The following CCDC158 variants were observed in gnomAD, a reference collection of about 807,000 sequenced individuals.
CCDC158 encodes the protein coiled-coil domain containing 158, also known as coiled-coil domain-containing protein 158.
In CCDC158, 116 loss-of-function variants were observed where a neutral mutation model predicts 138.6. That is an observed-to-expected ratio of 0.84 (90% CI 0.72 to 0.98). CCDC158 has a LOEUF of 0.98. Ranked by LOEUF, CCDC158 falls within the 50% of genes least tolerant of loss-of-function variation. The pLI, the probability that CCDC158 is intolerant of heterozygous loss-of-function variation, is 0.00. For missense variants in CCDC158, 1,265 were observed against 1,306.1 expected, an observed-to-expected ratio of 0.97 and a Z score of 0.48; for synonymous variants, 436 against 442.4, an observed-to-expected ratio of 0.99 and a Z score of 0.18.
intron 18 of CCDC158, among the ~76,000 whole-genome samples, chr4:76,350,185 C>G (rs1263894184): frequency 6.6e-6 from 1 of 152,316 alleles, no homozygotes; most frequent in Non-Finnish European, 1.5e-5. Context: ...ACTTCTAACA[C>G]TAATATTATT....
At chr4:76,355,749 A>C (rs1369441504) in intron 14 of CCDC158, among the ~76,000 whole-genome samples, 1 of 151,926 alleles carries the variant, frequency 6.6e-6, no homozygotes, top group Non-Finnish European at 1.5e-5. Flanking sequence ...AACATTGACT[A>C]AACTCATACT....
At chr4:76,415,305 G>A (rs1480541693) in intron 1 of CCDC158, among the ~76,000 whole-genome samples, 2 of 152,020 alleles carry the variant, frequency 1.3e-5, no homozygotes, top group Non-Finnish European at 1.5e-5. Context: ...GAGGTGACCC[G>A]GGTACTGTTA....
intron 18 of CCDC158, among the ~76,000 whole-genome samples, chr4:76,349,312 A>C (rs1722846689): frequency 6.6e-6 from 1 of 152,264 alleles, no homozygotes. Flanking sequence ...AATTGTATAA[A>C]GCATGTCTGA....
chr4:76,331,964 G>A (rs1721051202), intron 20 of CCDC158, among the ~76,000 whole-genome samples: 1 of 152,116 alleles, frequency 6.6e-6, no homozygotes, highest in African/African-American at 2.4e-5. Flanking sequence ...CTTATTTGGA[G>A]TTATGGATTT....
chr4:76,406,097 A>G (rs895202378), intron 2 of CCDC158, among the ~76,000 whole-genome samples: 1 of 152,192 alleles, frequency 6.6e-6, no homozygotes, highest in African/African-American at 2.4e-5. Flanking sequence ...ACAAAAAAGT[A>G]TGCCTAAAAA....
At chr4:76,395,526 G>A (rs937573363) in intron 4 of CCDC158, among the ~76,000 whole-genome samples, 1 of 152,196 alleles carries the variant, frequency 6.6e-6, no homozygotes, top group Non-Finnish European at 1.5e-5. Flanking sequence ...CATGGGCTGA[G>A]TCTTGGTGCA....
In CCDC158 at chr4:76,323,326, C is replaced by T. The variant is rs369670339; in HGVS notation, c.3253G>A (p.Glu1085Lys). The T allele has an allele frequency of 3.7e-5, 60 of 1,612,500 alleles. No homozygotes were observed. The highest frequency in any genetic ancestry group is 4.7e-5 in the Non-Finnish European group (55 of 1,179,372). Residue 1085 changes from glutamate to lysine, a missense_variant, in exon 24 of 25, where the codon GAA becomes AAA. Coordinates refer to ENST00000682701, the MANE Select transcript of CCDC158 (RefSeq NM_001394954.1). ...NRLESLQTLV[E>K]DLQLKNQAMS... is the part of the protein sequence containing the mutation. ...CCTTGGTTCTTCAGCTGTAAATCTT[C>T]TACCAGAGTTTGCAAGCTTTCTAGT...
intron 9 of CCDC158, among the ~76,000 whole-genome samples, chr4:76,373,913 G>A (rs557547775): frequency 6.6e-5 from 10 of 152,158 alleles, no homozygotes; most frequent in Non-Finnish European, 1.5e-4. Context: ...GTACTTTCCA[G>A]GAGACTGAGG....
At chr4:76,324,623 T>G (rs1021700966) in intron 23 of CCDC158, among the ~76,000 whole-genome samples, 1 of 152,202 alleles carries the variant, frequency 6.6e-6, no homozygotes, top group Non-Finnish European at 1.5e-5. Context: ...AGCATTGCTC[T>G]ATTCCTGCAA....
chr4:76,359,650 T>A (rs1487624265), intron 13 of CCDC158, among the ~76,000 whole-genome samples: 1 of 152,196 alleles, frequency 6.6e-6, no homozygotes, highest in Admixed American at 6.5e-5. Context: ...AGAGATGATT[T>A]AGGGTATCTG....
intron 23 of CCDC158, 122 bp from the exon 24 acceptor site, chr4:76,323,531 T>C: frequency 1.5e-6 from 1 of 663,164 alleles, no homozygotes. Context: ...TCATGACAAA[T>C]TCTAAAAGAG....
chr4:76,367,637 CT>C lies in CCDC158; in HGVS notation c.1486del (p.Arg496GlyfsTer6), dbSNP rs749813642. ...AKKMTLESSE[R>X]TISDLTTSLQ... ...AGAAGTTGTCAGGTCCGATATTGTCCTCTCTGAGCTCTCCAGAGTCATTTTC... is the reference window on the plus strand; with the variant it reads ...AGAAGTTGTCAGGTCCGATATTGTCCCTCTGAGCTCTCCAGAGTCATTTTC... On this transcript the variant is annotated frameshift_variant, in exon 12 of 25. Transcript: ENST00000682701. LOFTEE classifies it high-confidence loss of function. 1.8e-5 allele frequency: 29 copies of C among 1,614,090 alleles called. No individual in the cohort carries two copies. Among genetic ancestry groups the C allele is most frequent in the Non-Finnish European group, 2.5e-5 (29 of 1,180,044 alleles).
intron 18 of CCDC158, chr4:76,344,721 C>T: frequency 5.0e-6 from 8 of 1,613,934 alleles, no homozygotes; most frequent in East Asian, 2.2e-5. Flanking sequence ...CTTTGTGTGG[C>T]TACATGACAC....
intron 10 of CCDC158, among the ~76,000 whole-genome samples, chr4:76,370,745 G>T (rs191913123): frequency 6.6e-6 from 1 of 152,248 alleles, no homozygotes; most frequent in East Asian, 1.9e-4. Context: ...ACATGCAAAT[G>T]TTAGGTAAAG....
chr4:76,355,798 C>CATGT (rs147328816), intron 14 of CCDC158, among the ~76,000 whole-genome samples: 2 of 145,496 alleles, frequency 1.4e-5, no homozygotes, highest in East Asian at 2.0e-4. Flanking sequence ...AATATATGTA[C>CATGT]GTGTGTGTGT....
In CCDC158 at chr4:76,403,843, T is replaced by G. The variant is rs538441240; in HGVS notation, c.-73-563A>C. ...ATAATCTGCAAGTACAGGGAAATCT[T>G]TTTCCAAAACAATTCCCGCAGCCCA... is the stretch of plus-strand genomic sequence containing the variant. On this transcript the variant is annotated intron_variant, in intron 2 of 24. Transcript: ENST00000682701. Among the ~76,000 whole-genome samples, 17 of 152,240 alleles carry G rather than the reference T, an allele frequency of 1.1e-4. No homozygotes were observed. The East Asian group carries it at 3.1e-3, about 28-fold the overall frequency.
intron 2 of CCDC158, among the ~76,000 whole-genome samples, chr4:76,409,153 A>G (rs1247203186): frequency 1.3e-5 from 2 of 152,196 alleles, no homozygotes; most frequent in Non-Finnish European, 2.9e-5. Context: ...TTTAAATAAT[A>G]TTTGTAATTC....
At chr4:76,340,842 C>T (rs572328633) in intron 18 of CCDC158, among the ~76,000 whole-genome samples, 214 of 152,272 alleles carry the variant, frequency 1.4e-3, no homozygotes, top group African/African-American at 5.1e-3. Flanking sequence ...CCCCCCGCCT[C>T]AACCTGTTCC....
At chr4:76,373,507 A>G (rs1259541714) in intron 9 of CCDC158, among the ~76,000 whole-genome samples, 3 of 152,226 alleles carry the variant, frequency 2.0e-5, no homozygotes, top group African/African-American at 7.2e-5. Context: ...ACTAGAGAAC[A>G]TATGACTAAG....
Sources: allele counts gnomAD v4.1 joint callset (sites outside exome capture counted in the v4.1 genomes callset), GRCh38; gene constraint gnomAD v4.1.1; transcripts MANE v1.5; gene names NCBI Gene and HGNC (gene_info 2026-07-23, HGNC 2026-07-21).